The following YAF2 variants were observed in gnomAD, a reference collection of about 807,000 sequenced individuals.
YAF2 encodes YY1 associated factor 2, also known as YY1-associated factor 2.
A neutral mutation model predicts 20.1 loss-of-function variants in YAF2; 7 were observed. The ratio of observed to expected loss-of-function variants is 0.35; its 90% CI spans 0.20 to 0.65. YAF2 has a LOEUF of 0.65. YAF2 is among the 30% of genes least tolerant of loss of function. The pLI is 0.69. For missense variants in YAF2, 151 were observed against 219.2 expected, an observed-to-expected ratio of 0.69 and a Z score of 1.96; for synonymous variants, 74 against 76.0, an observed-to-expected ratio of 0.97 and a Z score of 0.14.
chr12:42,192,884 A>G (rs1294448415), intron 2 of YAF2, among the ~76,000 whole-genome samples: 1 of 152,256 alleles, frequency 6.6e-6, no homozygotes, highest in African/African-American at 2.4e-5. Flanking sequence ...CATATGTGAC[A>G]CTGGTTCCCT....
intron 2 of YAF2, among the ~76,000 whole-genome samples, chr12:42,192,722 G>C (rs1592214224): frequency 6.6e-6 from 1 of 152,250 alleles, no homozygotes; most frequent in East Asian, 1.9e-4. Flanking sequence ...GAAGTGAATG[G>C]ATTTAAAGAT....
intron 2 of YAF2, among the ~76,000 whole-genome samples, chr12:42,180,729 G>C (rs575236608): frequency 6.6e-6 from 1 of 152,036 alleles, no homozygotes; most frequent in African/African-American, 2.4e-5. Context: ...CAGGTGGATC[G>C]CTTGAGGCCA....
intron 2 of YAF2, among the ~76,000 whole-genome samples, chr12:42,193,294 G>A (rs1165632828): frequency 2.1e-5 from 3 of 144,974 alleles, no homozygotes; most frequent in African/African-American, 2.6e-5. Context: ...CAGCCTGGGC[G>A]ACAGAGTAAA....
In YAF2 at chr12:42,228,592, C is replaced by T. The variant is rs71453340; in HGVS notation, c.152+9007G>A. On this transcript the variant is annotated intron_variant, in intron 2 of 3. Coordinates refer to ENST00000534854, the MANE Select transcript of YAF2 (RefSeq NM_005748.6). ...AGCCCCTCTGCCCGGCCAGCCGCCC[C>T]GTCAGGGAGGGAGGTGGGGGTGTCA... Among the ~76,000 whole-genome samples, 28 of 80,150 alleles carry T rather than the reference C, an allele frequency of 3.5e-4. 1 individual carries two copies. The highest frequency in any genetic ancestry group is 4.1e-4 in the Non-Finnish European group (18 of 43,660). 52.6% of individuals were successfully genotyped at this position (80,150 alleles called of 152,430 possible).
At chr12:42,223,105 T>C (rs2067571839) in intron 2 of YAF2, among the ~76,000 whole-genome samples, 1 of 152,126 alleles carries the variant, frequency 6.6e-6, no homozygotes, top group African/African-American at 2.4e-5. Flanking sequence ...GTGAAGAAGG[T>C]AGAAATCCAG....
chr12:42,186,692 GA>G (rs2066484332), intron 2 of YAF2, among the ~76,000 whole-genome samples: 1 of 151,836 alleles, frequency 6.6e-6, no homozygotes, highest in African/African-American at 2.4e-5. Flanking sequence ...AGGAAAAAAA[GA>G]AAGAAAAAAA....
intron 2 of YAF2, among the ~76,000 whole-genome samples, chr12:42,185,285 G>A (rs537499620): frequency 4.6e-5 from 7 of 152,218 alleles, no homozygotes; most frequent in Non-Finnish European, 8.8e-5. Context: ...CAGATGAGGA[G>A]TTGCTTATTA....
chr12:42,181,267 G>A (rs1193189270), intron 2 of YAF2, among the ~76,000 whole-genome samples: 1 of 152,206 alleles, frequency 6.6e-6, no homozygotes, highest in Non-Finnish European at 1.5e-5. Flanking sequence ...ATTTTAATGT[G>A]TGCTTATTCC....
At chr12:42,223,946 G>T (rs557254863) in intron 2 of YAF2, among the ~76,000 whole-genome samples, 8 of 152,098 alleles carry the variant, frequency 5.3e-5, no homozygotes, top group Non-Finnish European at 1.0e-4. Flanking sequence ...AAACCTAGAT[G>T]ATGGGTTGAT....
At chr12:42,193,318 CAA>C (rs35020261) in intron 2 of YAF2, among the ~76,000 whole-genome samples, 16 of 87,124 alleles carry the variant, frequency 1.8e-4, no homozygotes, top group Admixed American at 5.2e-4. Flanking sequence ...GACTCCCTCT[CAA>C]AAAAAAAAAA....
rs1873684 is a variant in YAF2, at chr12:42,165,503, G to T, written c.153-3738C>A. 1.9e-3 allele frequency among the ~76,000 whole-genome samples: 291 copies of T among 151,888 alleles called. 6 individuals are homozygous for T. The South Asian group carries it at 0.059, about 31-fold the overall frequency. On this transcript the variant is annotated intron_variant, in intron 2 of 3. Transcript: ENST00000534854. ...TTTTGAGATTGAGCCTAGCTCTGTC[G>T]CCCAGGCTGGAGTGCAGTGGCGTGA...
At chr12:42,163,995 T>G (rs2065856337) in intron 2 of YAF2, among the ~76,000 whole-genome samples, 2 of 152,204 alleles carry the variant, frequency 1.3e-5, no homozygotes, top group African/African-American at 4.8e-5. Context: ...AGAGTATCAT[T>G]TATAAAATAT....
intron 2 of YAF2, chr12:42,199,255 G>A (rs1339535537): frequency 7.9e-7 from 1 of 1,267,512 alleles, no homozygotes; most frequent in Non-Finnish European, 1.0e-6. Flanking sequence ...GGGTTACAGA[G>A]TAAGAAAGAA....
chr12:42,178,063 C>T (rs1196852755), intron 2 of YAF2, among the ~76,000 whole-genome samples: 2 of 152,158 alleles, frequency 1.3e-5, no homozygotes, highest in African/African-American at 4.8e-5. Context: ...TTGTTCACTG[C>T]TGTTTCTCCT....
At chr12:42,186,189 CA>C (rs58514363) in intron 2 of YAF2, among the ~76,000 whole-genome samples, 666 of 62,516 alleles carry the variant, frequency 0.011, no homozygotes, top group African/African-American at 0.044. Context: ...AACTCTGTCT[CA>C]AAAAAAAAAA....
chr12:42,185,521 AGAGTT>A (rs1331203256), intron 2 of YAF2, among the ~76,000 whole-genome samples: 1 of 152,218 alleles, frequency 6.6e-6, no homozygotes, highest in Non-Finnish European at 1.5e-5. Flanking sequence ...CATGAAAGGA[AGAGTT>A]AATCAATGTG....
intron 2 of YAF2, chr12:42,236,124 T>A (rs1281030512): frequency 7.3e-7 from 1 of 1,363,588 alleles, no homozygotes; most frequent in African/African-American, 1.5e-5. Context: ...GTTTCCACTT[T>A]AATGTTCCTG....
chr12:42,157,227 TGAG>T lies in YAF2; in HGVS notation c.*3359_*3361del, dbSNP rs2065724955. ...TCATGGTGGAAAGCAGATGGTGAAC[TGAG>T]GAGGGCAAAGAGAACAGAACACAAG... On this transcript the variant is annotated 3_prime_UTR_variant, in exon 4 of 4. Transcript: ENST00000534854. 1 of 152,270 alleles carries T rather than the reference TGAG, an allele frequency of 6.6e-6. No homozygotes were observed. Among genetic ancestry groups the T allele is most frequent in the Admixed American group, 6.5e-5 (1 of 15,278 alleles). 9.4% of individuals were successfully genotyped at this position (152,270 alleles called of 1,614,324 possible). A position where few individuals can be genotyped will look rare whatever the true frequency, so the allele number is the denominator to read the frequency against.
intron 2 of YAF2, among the ~76,000 whole-genome samples, chr12:42,171,761 C>A (rs547564142): frequency 1.3e-4 from 19 of 150,752 alleles, no homozygotes; most frequent in African/African-American, 4.4e-4. Flanking sequence ...CAAGACCAGG[C>A]TGGGCAACAT....
Sources: allele counts gnomAD v4.1 joint callset (sites outside exome capture counted in the v4.1 genomes callset), GRCh38; gene constraint gnomAD v4.1.1; transcripts MANE v1.5; gene names NCBI Gene and HGNC (gene_info 2026-07-23, HGNC 2026-07-21).